Variants in CHD7 observed in about 807,000 individuals in gnomAD.
The protein encoded by CHD7 is ATP-dependent chromatin remodeler CHD7.
In CHD7, 24 loss-of-function variants were observed where a neutral mutation model predicts 307.3. The ratio of observed to expected loss-of-function variants is 0.08; its 90% confidence interval spans 0.06 to 0.11. CHD7 has a LOEUF of 0.11. Among genes scored for constraint, CHD7 ranks in the 10% least tolerant of loss-of-function variants. CHD7 has a pLI of 1.00. For synonymous variants in CHD7, 1,363 were observed against 1,349.9 expected (o/e 1.01, Z -0.21); for missense variants, 3,106 against 3,727.1 (o/e 0.83, Z 4.34).
At chr8:60,773,152 A>G (rs1191811002) in intron 2 of CHD7, among the ~76,000 whole-genome samples, 4 of 152,234 alleles carry the variant, frequency 2.6e-5, no homozygotes, top group Admixed American at 2.0e-4. Context: ...CTGCTGCCTC[A>G]GGGGGGTACC....
intron 1 of CHD7, among the ~76,000 whole-genome samples, chr8:60,704,374 C>T (rs1791584295): frequency 6.6e-6 from 1 of 151,952 alleles, no homozygotes; most frequent in Non-Finnish European, 1.5e-5. Context: ...AAAAAAGGAG[C>T]AGTGATGTCA....
chr8:60,861,026 G>T lies in CHD7; in HGVS notation c.7731G>T (p.Gly2577=). ...TCCCTGTTATCAATCTTGAAGATGG[G>T]ACTAGGCTGGTGGGGGAAGATGCTC... ...TRIPVINLED[G]TRLVGEDAPK... The change falls in exon 35 of 38, where the codon GGG becomes GGT. Residue 2577 remains glycine, a synonymous_variant. Transcript: ENST00000423902. The T allele has an allele frequency of 6.2e-7, 1 of 1,614,010 alleles. No homozygotes were observed. Among genetic ancestry groups the T allele is most frequent in the South Asian group, 1.1e-5 (1 of 91,082 alleles).
rs998565787 is a variant in CHD7 at position 60,855,428 on chromosome 8, G to T, written c.6937-547G>T. Among the ~76,000 whole-genome samples the T allele has an allele frequency of 1.3e-5, 2 of 152,190 alleles. 1 individual carries two copies. The highest frequency in any genetic ancestry group is 4.1e-4 in the South Asian group (2 of 4,828). ...TACACGCTTCAATGAAATTTGAAGT[G>T]ATAATAGGTAGGGAATGCAAATTGA... On this transcript the variant is annotated intron_variant, in intron 32 of 37. Coordinates refer to ENST00000423902, the MANE Select transcript of CHD7 (RefSeq NM_017780.4).
At chr8:60,740,740 A>G (rs1008926798) in intron 1 of CHD7, among the ~76,000 whole-genome samples, 4 of 152,300 alleles carry the variant, frequency 2.6e-5, no homozygotes, top group African/African-American at 7.2e-5. Context: ...CGATTTTGGT[A>G]TTTGTATAAT....
chr8:60,811,480 A>G (rs1025273246), intron 7 of CHD7, among the ~76,000 whole-genome samples: 2 of 152,008 alleles, frequency 1.3e-5, no homozygotes, highest in African/African-American at 4.8e-5. Flanking sequence ...CCTGGAAATC[A>G]CTCTACATCT....
chr8:60,758,633 A>G (rs1232772856), intron 2 of CHD7, among the ~76,000 whole-genome samples: 1 of 152,204 alleles, frequency 6.6e-6, no homozygotes, highest in East Asian at 1.9e-4. Flanking sequence ...ACTGCCAAAT[A>G]CTTGAGTCTG....
In CHD7 at chr8:60,841,395, A is replaced by G. The variant is rs532311059; in HGVS notation, c.4534-249A>G. On this transcript the variant is annotated intron_variant, in intron 19 of 37. Transcript: ENST00000423902. Reference sequence around the variant, plus strand: ...CAGGTTAGGGGCCCCTCCTCTGTATATCACTTGCACTGGTCTATACACTTG... The same window carrying G: ...CAGGTTAGGGGCCCCTCCTCTGTATGTCACTTGCACTGGTCTATACACTTG... Among the ~76,000 whole-genome samples the G allele has an allele frequency of 5.9e-5, 9 of 152,246 alleles. No individual in the cohort carries two copies. The South Asian group carries it at 1.2e-3, about 21-fold the overall frequency.
In CHD7 at chr8:60,762,884, G is replaced by A. The variant is rs571313998; in HGVS notation, c.1666-18116G>A. ...GGGTGGGGAGACAATGGCATTCAGAGGCCTCCTGCTGGAGGACGTGTCTTC... is the reference window on the plus strand; with the variant it reads ...GGGTGGGGAGACAATGGCATTCAGAAGCCTCCTGCTGGAGGACGTGTCTTC... On this transcript the variant is annotated intron_variant, in intron 2 of 37. Coordinates refer to ENST00000423902, the MANE Select transcript of CHD7 (RefSeq NM_017780.4). 7.2e-5 allele frequency among the ~76,000 whole-genome samples: 11 copies of A among 152,250 alleles called. No homozygotes were observed. In the South Asian group the frequency reaches 1.5e-3, roughly 20 times the overall value.
Position 60,854,145 on chromosome 8 carries a change from A to C in CHD7, c.6776-218A>C, listed in dbSNP as rs770703562. On this transcript the variant is annotated intron_variant, in intron 31 of 37. Transcript: ENST00000423902. ...TAGGTGGCTAGTGACTAACCTCTCT[A>C]AGCCTCTGTGTCATCATCTGCAAGA... Among the ~76,000 whole-genome samples the C allele has an allele frequency of 2.0e-5, 3 of 152,166 alleles. No homozygotes were observed. The East Asian group carries it at 5.8e-4, about 29-fold the overall frequency.
intron 1 of CHD7, among the ~76,000 whole-genome samples, chr8:60,708,959 G>A (rs1031337599): frequency 6.6e-6 from 1 of 152,012 alleles, no homozygotes; most frequent in Non-Finnish European, 1.5e-5. Context: ...CTAGTGGCTC[G>A]CCTGTCTCTG....
intron 2 of CHD7, among the ~76,000 whole-genome samples, chr8:60,750,120 G>A (rs1051369449): frequency 5.9e-5 from 9 of 152,244 alleles, no homozygotes; most frequent in African/African-American, 1.7e-4. Flanking sequence ...AAAGAGTATT[G>A]TTTTATGTGA....
chr8:60,727,316 C>T (rs28412751), intron 1 of CHD7, among the ~76,000 whole-genome samples: 57,092 of 151,786 alleles, frequency 0.38, 12,941 homozygotes, highest in East Asian at 0.51. Context: ...TTAGTAGAGA[C>T]GGGGTTTCCC....
intron 1 of CHD7, among the ~76,000 whole-genome samples, chr8:60,695,881 C>G (rs949733047): frequency 2.0e-5 from 3 of 152,188 alleles, no homozygotes; most frequent in Non-Finnish European, 4.4e-5. Context: ...CCTGAAGTTT[C>G]ATAAGTATAA....
At chr8:60,854,616 TA>T (rs1805623569) in intron 32 of CHD7, 93 bp downstream of exon 32, 1 of 1,203,296 alleles carries the variant, frequency 8.3e-7, no homozygotes, top group African/African-American at 1.5e-5. Flanking sequence ...AATTTTAAGG[TA>T]AACTTTTGAC....
Position 60,855,966 on chromosome 8 carries a change from T to TCC in CHD7, c.6937-7_6937-6dup. Reference sequence around the variant, plus strand: ...TTAAAATTTCTTGTGACTTTTCTTCTCCCTCCAGGATAGAGTAATGATAAA... The same window carrying TCC: ...TTAAAATTTCTTGTGACTTTTCTTCTCCCCCTCCAGGATAGAGTAATGATAAA... On this transcript the variant is annotated splice_polypyrimidine_tract_variant and intron_variant, in intron 32 of 37. Transcript: ENST00000423902. 6.3e-7 allele frequency: 1 copy of TCC among 1,576,078 alleles called. No individual in the cohort carries two copies. Among genetic ancestry groups the TCC allele is most frequent in the Non-Finnish European group, 8.7e-7 (1 of 1,154,136 alleles).
At chr8:60,860,882 T>C (rs756774523) in intron 34 of CHD7, 22 bp from the exon 35 acceptor site, 38 of 1,575,218 alleles carry the variant, frequency 2.4e-5, no homozygotes, top group Admixed American at 2.1e-4. Flanking sequence ...TGAGAATTCA[T>C]ACCATTGTGA....
At chr8:60,704,461 G>T (rs1220100609) in intron 1 of CHD7, among the ~76,000 whole-genome samples, 1 of 152,016 alleles carries the variant, frequency 6.6e-6, no homozygotes, top group Non-Finnish European at 1.5e-5. Flanking sequence ...AGCTTGGGCT[G>T]GGGTCTTCTT....
At chr8:60,738,086 A>G (rs1000260078) in intron 1 of CHD7, among the ~76,000 whole-genome samples, 3 of 152,188 alleles carry the variant, frequency 2.0e-5, no homozygotes, top group African/African-American at 7.2e-5. Flanking sequence ...AAAAAATTTC[A>G]TTGCTAATTT....
intron 5 of CHD7, 118 bp downstream of exon 5, chr8:60,800,643 T>A: frequency 1.1e-6 from 1 of 918,788 alleles, no homozygotes; most frequent in Non-Finnish European, 1.6e-6. Flanking sequence ...AACATCCACC[T>A]AATGTTGGAT....
Sources: gnomAD v4.1 joint callset for allele counts (sites outside exome capture counted in the v4.1 genomes callset) on GRCh38, gnomAD v4.1.1 for gene constraint, MANE v1.5 for transcripts, NCBI Gene and HGNC (gene_info 2026-07-23, HGNC 2026-07-21) for gene names.